The following EBF1 variants were observed in gnomAD, a reference collection of about 807,000 sequenced individuals.
The protein encoded by EBF1 is transcription factor COE1.
A neutral mutation model predicts 68.4 loss-of-function variants in EBF1; 10 were observed. The ratio of observed to expected loss-of-function variants is 0.15; its 90% CI spans 0.09 to 0.25. EBF1 has a LOEUF of 0.25. Among genes scored for constraint, EBF1 ranks in the 10% least tolerant of loss-of-function variants. The pLI is 1.00. For missense variants in EBF1, 509 were observed against 794.4 expected (o/e 0.64, Z 4.32); for synonymous variants, 298 against 299.8 (o/e 0.99, Z 0.06).
At chr5:159,065,315 C>T (rs549789225) in intron 6 of EBF1, among the ~76,000 whole-genome samples, 5 of 152,234 alleles carry the variant, frequency 3.3e-5, no homozygotes, top group East Asian at 3.9e-4. Flanking sequence ...CCTGACTCCT[C>T]GGCATGCACC....
At chr5:158,923,312 T>A (rs1808853329) in intron 6 of EBF1, among the ~76,000 whole-genome samples, 1 of 152,222 alleles carries the variant, frequency 6.6e-6, no homozygotes, top group African/African-American at 2.4e-5. Context: ...TCCATAAAAA[T>A]CATCTCCTCC....
At chr5:158,768,957 T>C (rs905156589) in intron 10 of EBF1, among the ~76,000 whole-genome samples, 4 of 152,164 alleles carry the variant, frequency 2.6e-5, no homozygotes, top group African/African-American at 4.8e-5. Flanking sequence ...GGTTCAAAAC[T>C]TTACAGTGTT....
chr5:158,739,030 GCC>G (rs1561790732), intron 10 of EBF1, among the ~76,000 whole-genome samples: 1 of 152,080 alleles, frequency 6.6e-6, no homozygotes, highest in Admixed American at 6.5e-5. Flanking sequence ...TTTTAAATTT[GCC>G]CCCAAATGCT....
At chr5:158,923,644 G>C (rs1419083433) in intron 6 of EBF1, among the ~76,000 whole-genome samples, 2 of 152,136 alleles carry the variant, frequency 1.3e-5, no homozygotes, top group African/African-American at 4.8e-5. Flanking sequence ...TATACTATTA[G>C]TTTCCTTAAG....
At chr5:158,771,575 T>A (rs1178220364) in intron 10 of EBF1, among the ~76,000 whole-genome samples, 2 of 152,098 alleles carry the variant, frequency 1.3e-5, no homozygotes, top group African/African-American at 2.4e-5. Flanking sequence ...ACATAGTGTA[T>A]AAAATAAGAT....
At chr5:158,886,527 T>C (rs1452223717) in intron 6 of EBF1, among the ~76,000 whole-genome samples, 2 of 152,232 alleles carry the variant, frequency 1.3e-5, no homozygotes, top group African/African-American at 4.8e-5. Context: ...TCCCAAACCC[T>C]CTGTCTATCT....
At chr5:158,745,278 A>G (rs1767305640) in intron 10 of EBF1, among the ~76,000 whole-genome samples, 1 of 152,184 alleles carries the variant, frequency 6.6e-6, no homozygotes, top group African/African-American at 2.4e-5. Context: ...AGCTCGTGAG[A>G]TGGTGGAAAC....
At position 159,099,325 on chromosome 5, in the gene EBF1, G is replaced by T. The variant is rs773377786; in HGVS notation, c.134+20C>A. The T allele has an allele frequency of 6.6e-7, 1 of 1,516,092 alleles. No homozygotes were observed. Among genetic ancestry groups the T allele is most frequent in the South Asian group, 1.3e-5 (1 of 78,056 alleles). 93.9% of individuals were successfully genotyped at this position (1,516,092 alleles called of 1,614,324 possible). On this transcript the variant is annotated intron_variant, in intron 1 of 15. Transcript: ENST00000313708. ...CCCGCTCGCGGCTCACCTCGGCCGC[G>T]GTCCCCGCGCAGTACCCACCTCTGC...
At chr5:158,969,922 A>C (rs938148991) in intron 6 of EBF1, among the ~76,000 whole-genome samples, 8 of 125,102 alleles carry the variant, frequency 6.4e-5, no homozygotes, top group African/African-American at 2.3e-4. Flanking sequence ...GAAAGAAAAA[A>C]AAAAAAAAGG....
rs1273982927 is a variant in EBF1 at position 158,696,897 on chromosome 5, GT to G, written c.*2213del. The stretch of plus-strand genomic sequence containing the variant: ...TTCTTTTGTGCTTTTCGATTTCTTT[GT>G]TTTTTTTTTTTTCTTTTTTTCTTTT... On this transcript the variant is annotated 3_prime_UTR_variant, in exon 16 of 16. Coordinates refer to ENST00000313708, the MANE Select transcript of EBF1 (RefSeq NM_024007.5). 5.9e-3 allele frequency: 1,001 copies of G among 168,402 alleles called. No homozygotes were observed. Among genetic ancestry groups the G allele is most frequent in the Middle Eastern group, 0.014 (6 of 442 alleles). 10.4% of individuals were successfully genotyped at this position (168,402 alleles called of 1,614,324 possible). A position where few individuals can be genotyped will look rare whatever the true frequency, so the allele number is the denominator to read the frequency against.
At chr5:158,780,577 C>G (rs1776257448) in intron 9 of EBF1, among the ~76,000 whole-genome samples, 1 of 152,022 alleles carries the variant, frequency 6.6e-6, no homozygotes, top group Admixed American at 6.6e-5. Flanking sequence ...CTGATATCAA[C>G]TGCAAAATAA....
At chr5:158,957,386 C>T (rs1817348160) in intron 6 of EBF1, among the ~76,000 whole-genome samples, 1 of 152,190 alleles carries the variant, frequency 6.6e-6, no homozygotes, top group Admixed American at 6.5e-5. Flanking sequence ...AGCAGGAAGT[C>T]CCAAGAGGGC....
chr5:159,043,398 C>T (rs1333713810), intron 6 of EBF1, among the ~76,000 whole-genome samples: 1 of 152,164 alleles, frequency 6.6e-6, no homozygotes, highest in African/African-American at 2.4e-5. Flanking sequence ...GCACCTAAAA[C>T]AATTGTAATT....
intron 4 of EBF1, among the ~76,000 whole-genome samples, chr5:159,085,096 A>G (rs1310179615): frequency 6.6e-6 from 1 of 152,202 alleles, no homozygotes; most frequent in East Asian, 1.9e-4. Flanking sequence ...GAAAATACAG[A>G]AAAGCATTTG....
chr5:158,969,872 G>GAAAGAA (rs1755078460), intron 6 of EBF1, among the ~76,000 whole-genome samples: 2 of 71,490 alleles, frequency 2.8e-5, no homozygotes, highest in East Asian at 7.7e-4. Flanking sequence ...AAGAAAGAAA[G>GAAAGAA]AAAGAAAGAA....
intron 6 of EBF1, among the ~76,000 whole-genome samples, chr5:158,874,126 A>G (rs1427027542): frequency 6.6e-6 from 1 of 152,236 alleles, no homozygotes; most frequent in African/African-American, 2.4e-5. Flanking sequence ...ACTAGAATAT[A>G]TCAGCAGATT....
chr5:158,814,170 C>A (rs548934725), intron 8 of EBF1, among the ~76,000 whole-genome samples: 2 of 152,172 alleles, frequency 1.3e-5, no homozygotes, highest in East Asian at 3.9e-4. Context: ...ACATAGGAAC[C>A]CTGTCTCTAC....
intron 9 of EBF1, among the ~76,000 whole-genome samples, chr5:158,790,929 G>C (rs1365664556): frequency 6.6e-6 from 1 of 152,134 alleles, no homozygotes; most frequent in Non-Finnish European, 1.5e-5. Flanking sequence ...AGTGTGCTCT[G>C]AAAGAAAAGA....
chr5:158,921,214 C>T (rs959782817), intron 6 of EBF1, among the ~76,000 whole-genome samples: 3 of 151,648 alleles, frequency 2.0e-5, no homozygotes, highest in Non-Finnish European at 4.4e-5. Context: ...AGCTTCGTTT[C>T]GCCTATGTTA....
Sources: allele counts gnomAD v4.1 joint callset (sites outside exome capture counted in the v4.1 genomes callset), GRCh38; gene constraint gnomAD v4.1.1; transcripts MANE v1.5; gene names NCBI Gene and HGNC (gene_info 2026-07-23, HGNC 2026-07-21).